Variants in ODAD2 observed in about 807,000 individuals in gnomAD.
ODAD2 encodes outer dynein arm docking complex subunit 2, also known as outer dynein arm-docking complex subunit 2.
In ODAD2, 89 loss-of-function variants were observed where a neutral mutation model predicts 106.8. The ratio of observed to expected loss-of-function variants is 0.83; its 90% CI spans 0.70 to 0.99. The LOEUF (loss-of-function observed/expected upper bound fraction) is 0.99, where lower values mean the gene tolerates loss of function less well. Ranked by LOEUF, ODAD2 falls within the 50% of genes least tolerant of loss-of-function variation. The pLI is 0.00. For missense variants in ODAD2, 1,168 were observed against 1,238.5 expected, an observed-to-expected ratio of 0.94 and a Z score of 0.85; for synonymous variants, 404 against 436.2, an observed-to-expected ratio of 0.93 and a Z score of 0.92.
intron 10 of ODAD2, among the ~76,000 whole-genome samples, chr10:27,945,296 T>G (rs1301367588): frequency 2.0e-5 from 3 of 152,172 alleles, no homozygotes; most frequent in African/African-American, 7.2e-5. Flanking sequence ...CCCCAGTTCT[T>G]GAACAGGGTA....
At chr10:27,894,634 T>A (rs1286223279) in intron 17 of ODAD2, among the ~76,000 whole-genome samples, 1 of 151,960 alleles carries the variant, frequency 6.6e-6, no homozygotes, top group Non-Finnish European at 1.5e-5. Context: ...TTGAGTGCAG[T>A]GGCGCAATCA....
At chr10:27,844,865 G>A (rs1838602602) in intron 19 of ODAD2, among the ~76,000 whole-genome samples, 1 of 152,164 alleles carries the variant, frequency 6.6e-6, no homozygotes, top group African/African-American at 2.4e-5. Flanking sequence ...ATGGGGTGGT[G>A]GCGAAGGAGT....
At chr10:27,942,552 G>A (rs1846533661) in intron 12 of ODAD2, among the ~76,000 whole-genome samples, 2 of 152,298 alleles carry the variant, frequency 1.3e-5, no homozygotes, top group South Asian at 4.1e-4. Context: ...TGAATGTGAT[G>A]CATAAAACAT....
intron 17 of ODAD2, among the ~76,000 whole-genome samples, chr10:27,885,557 A>AAT (rs1564465411): frequency 6.0e-5 from 1 of 16,702 alleles, no homozygotes; most frequent in Non-Finnish European, 1.2e-4. Context: ...TAAATATATA[A>AAT]ATATAAATAT....
At chr10:27,946,699 T>C (rs1211349941) in intron 10 of ODAD2, among the ~76,000 whole-genome samples, 1 of 152,176 alleles carries the variant, frequency 6.6e-6, no homozygotes, top group African/African-American at 2.4e-5. Context: ...TTATATATAA[T>C]AGGGTTAGCA....
At chr10:27,917,621 A>C (rs1040734676) in intron 16 of ODAD2, among the ~76,000 whole-genome samples, 2 of 152,080 alleles carry the variant, frequency 1.3e-5, no homozygotes, top group African/African-American at 4.8e-5. Flanking sequence ...AAACCACTAA[A>C]GAAAGGTTGA....
chr10:27,997,652 G>A (rs900300567), intron 1 of ODAD2: 3 of 152,164 alleles, frequency 2.0e-5, no homozygotes, highest in Non-Finnish European at 4.4e-5. Flanking sequence ...ATTCAAGAAG[G>A]TTGGTGAGTT....
chr10:27,936,635 G>T (rs1845993358), intron 15 of ODAD2, 91 bp downstream of exon 15: 1 of 1,363,486 alleles, frequency 7.3e-7, no homozygotes, highest in Admixed American at 1.7e-5. Context: ...ACTAACATTA[G>T]AATTGACTCC....
intron 17 of ODAD2, among the ~76,000 whole-genome samples, chr10:27,904,005 C>A (rs146111054): frequency 6.6e-6 from 1 of 152,296 alleles, no homozygotes; most frequent in Non-Finnish European, 1.5e-5. Context: ...CAAATAAGGA[C>A]TACCTGTTGC....
rs1477028586 is a variant in ODAD2 at position 27,968,944 on chromosome 10, T to C, written c.1217A>G (p.His406Arg). 12 of 653,584 alleles carry C rather than the reference T, an allele frequency of 1.8e-5. No individual in the cohort carries two copies. Among genetic ancestry groups the C allele is most frequent in the Non-Finnish European group, 3.0e-5 (11 of 372,726 alleles). The allele number at this position is 653,584 out of a possible 1,614,324, so 40.5% of individuals were successfully genotyped here. A position where few individuals can be genotyped will look rare whatever the true frequency, so the allele number is the denominator to read the frequency against. Residue 406 changes from histidine (H) to arginine (R), a missense_variant, in exon 9 of 20, where the codon CAC becomes CGC. By Grantham distance (29) the His-to-Arg change is conservative. This residue lies in a region of ODAD2 where 430 missense variants were observed against 452.2 expected (regional missense o/e 0.95). Coordinates refer to ENST00000305242, the MANE Select transcript of ODAD2 (RefSeq NM_018076.5). Reference sequence around the variant, plus strand: ...ATACCGAAGTAATTGTGCTCTTCCGTGTGAAACAGATGGTCTTGGTTTTTC... The same window carrying C: ...ATACCGAAGTAATTGTGCTCTTCCGCGTGAAACAGATGGTCTTGGTTTTTC... The part of the protein sequence containing the change: ...KLEKPRPSVS[H>R]GRAQLLRKSA...
chr10:27,871,327 T>G (rs1589873338), intron 17 of ODAD2, among the ~76,000 whole-genome samples: 1 of 152,238 alleles, frequency 6.6e-6, no homozygotes, highest in African/African-American at 2.4e-5. Flanking sequence ...CTGATGGTAG[T>G]TTCTTTTGCC....
At chr10:27,994,323 A>T (rs1850418060) in intron 2 of ODAD2, among the ~76,000 whole-genome samples, 1 of 152,072 alleles carries the variant, frequency 6.6e-6, no homozygotes, top group South Asian at 2.1e-4. Context: ...GGAATTGATC[A>T]ATTTAAATAC....
At chr10:27,854,898 G>A (rs1217112791) in intron 19 of ODAD2, among the ~76,000 whole-genome samples, 8 of 152,148 alleles carry the variant, frequency 5.3e-5, no homozygotes, top group Non-Finnish European at 1.0e-4. Context: ...GCTGAGTGAA[G>A]GAAGCCAAAC....
At position 27,860,738 on chromosome 10, in the gene ODAD2, G is replaced by A. The variant is rs776293552; in HGVS notation, c.2908C>T (p.Arg970Cys). 8 of 1,614,092 alleles carry A rather than the reference G, an allele frequency of 5.0e-6. No individual in the cohort carries two copies. In the African/African-American group the frequency reaches 5.3e-5, roughly 11 times the overall value. The change falls in exon 19 of 20, where the codon CGT (arginine) becomes TGT (cysteine). Residue 970 changes from arginine (R) to cysteine (C), a missense_variant. By Grantham distance (180) the Arg-to-Cys change is radical. Coordinates refer to ENST00000305242, the MANE Select transcript of ODAD2 (RefSeq NM_018076.5). ...GEHKAVAPLV[R>C]YLKSNDTNVH... Reference sequence around the variant, plus strand: ...TTGGTGTCATTTGATTTCAGATAACGCACTAGTGGAGCCACTGCTTTGTGC... The same window carrying A: ...TTGGTGTCATTTGATTTCAGATAACACACTAGTGGAGCCACTGCTTTGTGC...
intron 19 of ODAD2, among the ~76,000 whole-genome samples, chr10:27,855,982 T>C (rs1839626143): frequency 2.6e-5 from 4 of 152,362 alleles, no homozygotes; most frequent in Middle Eastern, 6.8e-3. Flanking sequence ...ATCAGTCTTC[T>C]AGTTGATCAC....
chr10:27,826,575 C>T (rs1286215446), intron 19 of ODAD2, among the ~76,000 whole-genome samples: 3 of 152,108 alleles, frequency 2.0e-5, no homozygotes, highest in African/African-American at 4.8e-5. Context: ...TGCCACCACA[C>T]GCACAGATTC....
intron 19 of ODAD2, among the ~76,000 whole-genome samples, chr10:27,817,474 T>G (rs977960068): frequency 6.6e-6 from 1 of 152,140 alleles, no homozygotes; most frequent in African/African-American, 2.4e-5. Flanking sequence ...ACCCAATAGG[T>G]AATTTTTTAA....
intron 13 of ODAD2, among the ~76,000 whole-genome samples, 188 bp from the exon 14 acceptor site, chr10:27,940,195 A>G (rs961841523): frequency 1.3e-5 from 2 of 151,534 alleles, no homozygotes; most frequent in Admixed American, 6.6e-5. Flanking sequence ...GTGTGTGTGT[A>G]TATATATATA....
At chr10:27,910,346 A>G (rs1443557557) in intron 16 of ODAD2, among the ~76,000 whole-genome samples, 3 of 152,132 alleles carry the variant, frequency 2.0e-5, no homozygotes, top group Non-Finnish European at 2.9e-5. Flanking sequence ...CGTTGCCTTC[A>G]TGGTATTAAA....
Sources: gnomAD v4.1 joint callset for allele counts (sites outside exome capture counted in the v4.1 genomes callset) on GRCh38, gnomAD v4.1.1 for gene constraint, gnomAD v4.1.1 regional missense constraint, MANE v1.5 for transcripts, NCBI Gene and HGNC (gene_info 2026-07-23, HGNC 2026-07-21) for gene names.